ANTXR2: variants seen among roughly 807,000 people sequenced by gnomAD.
ANTXR2 encodes anthrax toxin receptor 2.
In ANTXR2, 44 loss-of-function variants were observed where a neutral mutation model predicts 73.7. The observed-to-expected ratio is 0.60, with a 90% confidence interval of 0.47 to 0.77. The LOEUF (loss-of-function observed/expected upper bound fraction) is 0.77, where lower values mean the gene tolerates loss of function less well. ANTXR2 is among the 30% of genes least tolerant of loss of function. The pLI is 0.00. For missense variants in ANTXR2, 604 were observed against 592.5 expected, an observed-to-expected ratio of 1.02 and a Z score of -0.20; for synonymous variants, 217 against 205.9, an observed-to-expected ratio of 1.05 and a Z score of -0.46.
intron 8 of ANTXR2, among the ~76,000 whole-genome samples, chr4:80,034,473 GC>G (rs1351051473): frequency 1.3e-5 from 2 of 152,064 alleles, no homozygotes; most frequent in Non-Finnish European, 2.9e-5. Flanking sequence ...CAAGGGGGAG[GC>G]TTTTATAGAA....
At chr4:80,068,871 T>C (rs545485684) in intron 3 of ANTXR2, among the ~76,000 whole-genome samples, 2 of 152,312 alleles carry the variant, frequency 1.3e-5, no homozygotes, top group African/African-American at 2.4e-5. Context: ...TACTGTGACA[T>C]TGGTCTGAAA....
chr4:79,954,347 C>T (rs1422439751), intron 16 of ANTXR2, among the ~76,000 whole-genome samples: 1 of 152,072 alleles, frequency 6.6e-6, no homozygotes, highest in Non-Finnish European at 1.5e-5. Flanking sequence ...TCTCAGTTTC[C>T]TTATCTTTAA....
rs1301876597 is a variant in ANTXR2 at position 79,952,187 on chromosome 4, A to G, written c.1428+25434T>C. Among the ~76,000 whole-genome samples, 25 of 150,298 alleles carry G rather than the reference A, an allele frequency of 1.7e-4. No individual in the cohort carries two copies. The East Asian group carries it at 4.9e-3, about 29-fold the overall frequency. On this transcript the variant is annotated intron_variant, in intron 16 of 16. Transcript: ENST00000403729. ...GGTATATATAAACTATTTGCTGTTTATATATAAATATATATCATATATATA... is the reference window on the plus strand; with the variant it reads ...GGTATATATAAACTATTTGCTGTTTGTATATAAATATATATCATATATATA...
intron 14 of ANTXR2, among the ~76,000 whole-genome samples, chr4:79,981,557 A>G (rs1009741388): frequency 1.3e-5 from 2 of 152,146 alleles, no homozygotes; most frequent in Non-Finnish European, 2.9e-5. Flanking sequence ...GGTATATATC[A>G]AACAAAAATA....
chr4:79,901,190 AAT>A lies in ANTXR2; in HGVS notation c.*6237_*6238del, dbSNP rs1726687853. ...AAAAAGAACACTTTATTGTGATAAT[AAT>A]AATGGCTTCATTTCACATCAGAATT... On this transcript the variant is annotated 3_prime_UTR_variant, in exon 17 of 17. Coordinates refer to ENST00000403729, the MANE Select transcript of ANTXR2 (RefSeq NM_058172.6). 1 of 152,156 alleles carries A rather than the reference AAT, an allele frequency of 6.6e-6. No individual in the cohort carries two copies. The highest frequency in any genetic ancestry group is 2.1e-4 in the South Asian group (1 of 4,838). The allele number at this position is 152,156 out of a possible 1,614,324, so 9.4% of individuals were successfully genotyped here.
chr4:80,046,220 A>G (rs970214721), intron 7 of ANTXR2, among the ~76,000 whole-genome samples: 4 of 151,790 alleles, frequency 2.6e-5, no homozygotes, highest in Admixed American at 2.6e-4. Context: ...CTTTTTTAAA[A>G]CTTTAGTTTC....
chr4:79,912,383 T>A (rs1727180203), intron 16 of ANTXR2, among the ~76,000 whole-genome samples: 1 of 151,978 alleles, frequency 6.6e-6, no homozygotes, highest in African/African-American at 2.4e-5. Context: ...AAGAAGTGCA[T>A]GTAAATATTA....
intron 16 of ANTXR2, among the ~76,000 whole-genome samples, chr4:79,951,604 A>C (rs1728713589): frequency 1.3e-5 from 2 of 151,162 alleles, no homozygotes; most frequent in Admixed American, 1.3e-4. Flanking sequence ...AAAAAAAAAA[A>C]CAACAAAAAG....
chr4:80,065,380 T>A (rs1734449318), intron 3 of ANTXR2, among the ~76,000 whole-genome samples: 1 of 152,110 alleles, frequency 6.6e-6, no homozygotes, highest in South Asian at 2.1e-4. Flanking sequence ...TGTGTATACC[T>A]CTACTCACAC....
At chr4:80,020,891 G>C (rs1411860907) in intron 10 of ANTXR2, among the ~76,000 whole-genome samples, 2 of 152,216 alleles carry the variant, frequency 1.3e-5, no homozygotes, top group Non-Finnish European at 1.5e-5. Context: ...GCTGGGCGCA[G>C]TGGCTCACGC....
chr4:80,057,268 C>A (rs916320700), intron 3 of ANTXR2, among the ~76,000 whole-genome samples: 1 of 151,890 alleles, frequency 6.6e-6, no homozygotes. Flanking sequence ...GGGCCATACA[C>A]AACATTTATA....
chr4:79,999,125 T>C (rs1730885355), intron 12 of ANTXR2, among the ~76,000 whole-genome samples: 2 of 151,988 alleles, frequency 1.3e-5, no homozygotes. Flanking sequence ...CAGGAGTTTT[T>C]CCTTAATCTT....
At chr4:80,024,354 G>A (rs1015499980) in intron 10 of ANTXR2, among the ~76,000 whole-genome samples, 3 of 152,198 alleles carry the variant, frequency 2.0e-5, no homozygotes, top group African/African-American at 4.8e-5. Context: ...CATTTGGACA[G>A]CAGACTTAAA....
Position 80,072,828 on chromosome 4 carries a change from T to G in ANTXR2, c.-268A>C. 1.3e-6 allele frequency: 1 copy of G among 751,134 alleles called. No individual in the cohort carries two copies. Among genetic ancestry groups the G allele is most frequent in the Non-Finnish European group, 1.8e-6 (1 of 549,394 alleles). 46.5% of individuals were successfully genotyped at this position (751,134 alleles called of 1,614,324 possible). A position where few individuals can be genotyped will look rare whatever the true frequency, so the allele number is the denominator to read the frequency against. On this transcript the variant is annotated 5_prime_UTR_variant, in exon 1 of 17. Coordinates refer to ENST00000403729, the MANE Select transcript of ANTXR2 (RefSeq NM_058172.6). Reference sequence around the variant, plus strand: ...TGGAAGCGCGATCCAGTCCTCCCCCTCCCGATTCCGGAGAGTTCCTGCAGA... The same window carrying G: ...TGGAAGCGCGATCCAGTCCTCCCCCGCCCGATTCCGGAGAGTTCCTGCAGA...
At chr4:79,982,080 G>C (rs969976082) in intron 14 of ANTXR2, among the ~76,000 whole-genome samples, 2 of 152,006 alleles carry the variant, frequency 1.3e-5, no homozygotes, top group Non-Finnish European at 2.9e-5. Flanking sequence ...CTCAATCTTT[G>C]GAACACTGGA....
At chr4:79,913,663 CA>C (rs1291084670) in intron 16 of ANTXR2, among the ~76,000 whole-genome samples, 2 of 152,204 alleles carry the variant, frequency 1.3e-5, no homozygotes, top group African/African-American at 4.8e-5. Context: ...CTCTCCCTAT[CA>C]GTTTGCAAAA....
intron 16 of ANTXR2, among the ~76,000 whole-genome samples, chr4:79,962,482 T>C (rs1171456684): frequency 6.6e-6 from 1 of 152,156 alleles, no homozygotes; most frequent in Non-Finnish European, 1.5e-5. Context: ...TAATGAAAGA[T>C]AATATAAAGA....
At chr4:80,000,072 A>AT (rs1309414987) in intron 12 of ANTXR2, among the ~76,000 whole-genome samples, 2 of 151,886 alleles carry the variant, frequency 1.3e-5, no homozygotes, top group Non-Finnish European at 2.9e-5. Context: ...AAAGATATAT[A>AT]TTTTTTTCCA....
At position 79,933,296 on chromosome 4, in the gene ANTXR2, G is replaced by C. The variant is rs926838408; in HGVS notation, c.1429-25829C>G. 1.1e-4 allele frequency among the ~76,000 whole-genome samples: 17 copies of C among 152,154 alleles called. No individual in the cohort carries two copies. In the East Asian group the frequency reaches 1.2e-3, roughly 10 times the overall value. ...GAAAACAGGTTCTGTTCAAAAAACA[G>C]GTTCACAAAAAAGATCAGGTGCCAA... On this transcript the variant is annotated intron_variant, in intron 16 of 16. Coordinates refer to ENST00000403729, the MANE Select transcript of ANTXR2 (RefSeq NM_058172.6).
Sources: allele counts gnomAD v4.1 joint callset (sites outside exome capture counted in the v4.1 genomes callset), GRCh38; gene constraint gnomAD v4.1.1; transcripts MANE v1.5; gene names NCBI Gene and HGNC (gene_info 2026-07-23, HGNC 2026-07-21).